SMURF2: variants seen among roughly 807,000 people sequenced by gnomAD.
The protein encoded by SMURF2 is SMAD specific E3 ubiquitin protein ligase 2.
A neutral mutation model predicts 109.6 loss-of-function variants in SMURF2; 48 were observed. That is an observed-to-expected ratio of 0.44 (90% confidence interval 0.35 to 0.56). The LOEUF (loss-of-function observed/expected upper bound fraction) is 0.56, where lower values mean the gene tolerates loss of function less well. Among genes scored for constraint, SMURF2 ranks in the 20% least tolerant of loss-of-function variants. The pLI is 0.01. For missense variants in SMURF2, 575 were observed against 909.0 expected, an observed-to-expected ratio of 0.63 and a Z score of 4.72; for synonymous variants, 288 against 317.1, an observed-to-expected ratio of 0.91 and a Z score of 0.97.
At position 64,593,386 on chromosome 17, in the gene SMURF2, T is replaced by TAC. The variant is rs570673327; in HGVS notation, c.334+52_334+53dup. 171 of 1,514,690 alleles carry TAC rather than the reference T, an allele frequency of 1.1e-4. 1 individual carries two copies. In the Middle Eastern group the frequency reaches 1.2e-3, roughly 11 times the overall value. The allele number at this position is 1,514,690 out of a possible 1,614,324, so 93.8% of individuals were successfully genotyped here. On this transcript the variant is annotated intron_variant, in intron 4 of 18. Transcript: ENST00000262435. ...ATATATGTATATGCACAAATACATATACACACACACACATATATGTTTTTT... is the reference window on the plus strand; with the variant it reads ...ATATATGTATATGCACAAATACATATACACACACACACACATATATGTTTTTT...
chr17:64,617,066 A>AC (rs1970135556), intron 1 of SMURF2, among the ~76,000 whole-genome samples: 1 of 67,274 alleles, frequency 1.5e-5, no homozygotes, highest in African/African-American at 1.5e-4. Flanking sequence ...GACCTTGTCT[A>AC]AAAAAAAAAA....
Position 64,656,212 on chromosome 17 carries a change from CTAAGA to C in SMURF2, c.52+5612_52+5616del, listed in dbSNP as rs530201644. 2.0e-3 allele frequency among the ~76,000 whole-genome samples: 307 copies of C among 152,220 alleles called. 1 individual carries two copies. Among genetic ancestry groups the C allele is most frequent in the African/African-American group, 6.7e-3 (279 of 41,538 alleles). ...ACAAAAGTTGGACAGATTTTGACTC[CTAAGA>C]TAACACATTTCTACATGTCCAAACA... is the stretch of plus-strand genomic sequence containing the variant. On this transcript the variant is annotated intron_variant, in intron 1 of 18. Coordinates refer to ENST00000262435, the MANE Select transcript of SMURF2 (RefSeq NM_022739.4).
chr17:64,588,246 C>T (rs1969694192), intron 5 of SMURF2, among the ~76,000 whole-genome samples: 1 of 152,122 alleles, frequency 6.6e-6, no homozygotes, highest in Non-Finnish European at 1.5e-5. Context: ...ATCCTCCCAC[C>T]TCAGCCTCCC....
At chr17:64,612,754 A>C (rs2144684043) in intron 1 of SMURF2, among the ~76,000 whole-genome samples, 1 of 151,146 alleles carries the variant, frequency 6.6e-6, no homozygotes, top group South Asian at 2.1e-4. Context: ...TGTTTAACCA[A>C]TTCTTAAAAA....
At chr17:64,646,532 C>T (rs1970562147) in intron 1 of SMURF2, among the ~76,000 whole-genome samples, 1 of 151,854 alleles carries the variant, frequency 6.6e-6, no homozygotes, top group African/African-American at 2.4e-5. Context: ...TAGAGGTATG[C>T]ACCACACACC....
chr17:64,590,148 T>TC (rs1555687529), intron 5 of SMURF2, among the ~76,000 whole-genome samples: 2 of 150,618 alleles, frequency 1.3e-5, no homozygotes, highest in Non-Finnish European at 3.0e-5. Flanking sequence ...TCTTTTCTTT[T>TC]TTTTTTTTTT....
Position 64,598,414 on chromosome 17 carries a change from C to A in SMURF2, c.168G>T (p.Thr56=), listed in dbSNP as rs1335117473. The part of the protein sequence containing the change: ...QCHSTDTVKN[T]LDPKWNQHYD... ...AATGCTGATTCCACTTTGGATCAAG[C>A]GTATTCTTCACAGTATCTGTAGAAT... Residue 56 remains threonine (T), a synonymous_variant, in exon 3 of 19, where the codon ACG becomes ACT. Transcript: ENST00000262435. 3 of 1,608,608 alleles carry A rather than the reference C, an allele frequency of 1.9e-6. No individual in the cohort carries two copies. The highest frequency in any genetic ancestry group is 1.7e-6 in the Non-Finnish European group (2 of 1,178,398).
At chr17:64,602,194 G>A (rs1969908099) in intron 2 of SMURF2, among the ~76,000 whole-genome samples, 1 of 150,194 alleles carries the variant, frequency 6.7e-6, no homozygotes, top group Admixed American at 6.6e-5. Flanking sequence ...GGGGGTAACA[G>A]GGGATAAAAG....
chr17:64,548,284 G>GTATT (rs1968988049), intron 16 of SMURF2, among the ~76,000 whole-genome samples: 3 of 152,188 alleles, frequency 2.0e-5, no homozygotes, highest in African/African-American at 7.2e-5. Flanking sequence ...TTCCTCTGCT[G>GTATT]TAATATGGTA....
chr17:64,642,188 G>C (rs2144723109), intron 1 of SMURF2, among the ~76,000 whole-genome samples: 1 of 152,340 alleles, frequency 6.6e-6, no homozygotes, highest in Admixed American at 6.5e-5. Flanking sequence ...TTGGGAGGAG[G>C]AGAAGAATTT....
chr17:64,549,153 C>T (rs1216821261), intron 16 of SMURF2, among the ~76,000 whole-genome samples: 6 of 147,338 alleles, frequency 4.1e-5, no homozygotes, highest in Admixed American at 6.9e-5. Flanking sequence ...GGCGTGGTGG[C>T]GGGCACCTGT....
At chr17:64,632,168 AG>A (rs1555691711) in intron 1 of SMURF2, among the ~76,000 whole-genome samples, 1 of 152,112 alleles carries the variant, frequency 6.6e-6, no homozygotes, top group Non-Finnish European at 1.5e-5. Context: ...TATGTTGACC[AG>A]GCTGGTCTCA....
chr17:64,556,802 C>A (rs1255109399), intron 13 of SMURF2, among the ~76,000 whole-genome samples: 2 of 152,114 alleles, frequency 1.3e-5, no homozygotes, highest in African/African-American at 4.8e-5. Context: ...AATTCTTTTA[C>A]CTCTCTATTT....
intron 2 of SMURF2, among the ~76,000 whole-genome samples, chr17:64,598,814 G>T (rs1969853404): frequency 6.6e-6 from 1 of 152,172 alleles, no homozygotes; most frequent in South Asian, 2.1e-4. Flanking sequence ...ATGGTTACAT[G>T]AATTCTTGTA....
At chr17:64,590,140 T>TTTCC (rs1969729576) in intron 5 of SMURF2, among the ~76,000 whole-genome samples, 1 of 133,376 alleles carries the variant, frequency 7.5e-6, no homozygotes, top group African/African-American at 4.0e-5. Context: ...TGAATTTTTC[T>TTTCC]TTTCTTTTTT....
At chr17:64,634,367 T>C (rs78265381) in intron 1 of SMURF2, among the ~76,000 whole-genome samples, 2 of 152,160 alleles carry the variant, frequency 1.3e-5, no homozygotes, top group East Asian at 3.9e-4. Context: ...TTTTGTGAGG[T>C]TGGGTAAGAA....
At chr17:64,601,016 A>C (rs1173056133) in intron 2 of SMURF2, among the ~76,000 whole-genome samples, 8 of 152,146 alleles carry the variant, frequency 5.3e-5, no homozygotes, top group African/African-American at 1.9e-4. Context: ...TGGGAGGCTG[A>C]GGCGAAAGGA....
At chr17:64,608,888 C>T (rs1555689296) in intron 1 of SMURF2, among the ~76,000 whole-genome samples, 2 of 152,160 alleles carry the variant, frequency 1.3e-5, no homozygotes, top group Non-Finnish European at 2.9e-5. Context: ...TAAACATACT[C>T]AAGTCTTACC....
chr17:64,551,627 ATTAC>A lies in SMURF2; in HGVS notation c.1822_1825del (p.Val608PhefsTer6). ...AAATGTCTTCAGCAGATGTTGTGGA[ATTAC>A]TTCATTAAATCCTTTCTGCAGAGCC... On this transcript the variant is annotated frameshift_variant, in exon 16 of 19. Coordinates refer to ENST00000262435, the MANE Select transcript of SMURF2 (RefSeq NM_022739.4). LOFTEE classifies it high-confidence loss of function. 6.2e-7 allele frequency: 1 copy of A among 1,614,040 alleles called. No individual in the cohort carries two copies. The highest frequency in any genetic ancestry group is 8.5e-7 in the Non-Finnish European group (1 of 1,179,942).
Sources: gnomAD v4.1 joint callset for allele counts (sites outside exome capture counted in the v4.1 genomes callset) on GRCh38, gnomAD v4.1.1 for gene constraint, MANE v1.5 for transcripts, NCBI Gene and HGNC (gene_info 2026-07-23, HGNC 2026-07-21) for gene names.